VIPAS39: variants seen among roughly 807,000 people sequenced by gnomAD.
VIPAS39 encodes spermatogenesis-defective protein 39 homolog.
A neutral mutation model predicts 84.7 loss-of-function variants in VIPAS39; 63 were observed. The ratio of observed to expected loss-of-function variants is 0.74; its 90% CI spans 0.61 to 0.92. The LOEUF (loss-of-function observed/expected upper bound fraction) is 0.92. VIPAS39 is among the 40% of genes least tolerant of loss of function. The pLI is 0.00. For synonymous variants in VIPAS39, 192 were observed against 216.5 expected, an observed-to-expected ratio of 0.89 and a Z score of 0.99; for missense variants, 499 against 604.5, an observed-to-expected ratio of 0.83 and a Z score of 1.83.
intron 1 of VIPAS39, chr14:77,457,225 T>TA: frequency 6.6e-7 from 1 of 1,525,574 alleles, no homozygotes; most frequent in Non-Finnish European, 8.8e-7. Flanking sequence ...GCCATGGATC[T>TA]ACCGCAGTCG....
chr14:77,454,465 A>G (rs2078930333), intron 1 of VIPAS39, among the ~76,000 whole-genome samples: 1 of 152,188 alleles, frequency 6.6e-6, no homozygotes, highest in African/African-American at 2.4e-5. Flanking sequence ...ACCTGAGGTC[A>G]GGAGTTCGAG....
intron 3 of VIPAS39, 122 bp from the exon 4 acceptor site, chr14:77,451,455 G>A: frequency 1.4e-6 from 2 of 1,432,772 alleles, no homozygotes; most frequent in Non-Finnish European, 2.0e-6. Flanking sequence ...ACTTGGGGCA[G>A]GGAGAAAAGA....
chr14:77,439,915 C>T (rs1052811636), intron 11 of VIPAS39, among the ~76,000 whole-genome samples: 4 of 152,298 alleles, frequency 2.6e-5, no homozygotes, highest in East Asian at 1.9e-4. Flanking sequence ...ATCCTGCCAT[C>T]GACAGTGCTG....
chr14:77,456,995 G>T, intron 1 of VIPAS39: 1 of 1,036,982 alleles, frequency 9.6e-7, no homozygotes, highest in Non-Finnish European at 1.2e-6. Flanking sequence ...CAGGGTGAGA[G>T]ACCTCAGGGG....
At chr14:77,439,853 C>A (rs1225431001) in intron 11 of VIPAS39, among the ~76,000 whole-genome samples, 1 of 152,062 alleles carries the variant, frequency 6.6e-6, no homozygotes, top group Non-Finnish European at 1.5e-5. Flanking sequence ...AATGTGCCAA[C>A]TGAATGTCTG....
chr14:77,435,270 T>C lies in VIPAS39; in HGVS notation c.1036A>G (p.Thr346Ala), dbSNP rs746887391. 18 of 1,613,968 alleles carry C rather than the reference T, an allele frequency of 1.1e-5. No homozygotes were observed. Among genetic ancestry groups the C allele is most frequent in the Non-Finnish European group, 1.4e-5 (17 of 1,180,018 alleles). ...TATTTTGCCTGTACCTCAGCCTCTG[T>C]GTAGTGATAGAAGCAGGAGTAGAAA... is the stretch of plus-strand genomic sequence containing the variant. ...TLFYSCFYHY[T>A]EAEGTFSSPV... is the part of the protein sequence containing the mutation. Residue 346 changes from threonine (T) to alanine (A), a missense_variant, in exon 14 of 20, where the codon ACA becomes GCA. By Grantham distance (58) the Thr-to-Ala change is moderately conservative. Coordinates refer to ENST00000557658, the MANE Select transcript of VIPAS39 (RefSeq NM_001193315.2).
At chr14:77,457,395 T>C (rs1329306893) in intron 1 of VIPAS39, 100 bp downstream of exon 1, 6 of 1,535,432 alleles carry the variant, frequency 3.9e-6, no homozygotes, top group Admixed American at 3.9e-5. Context: ...CCTGTAGTCA[T>C]AGGGTGTAGG....
intron 1 of VIPAS39, among the ~76,000 whole-genome samples, chr14:77,456,544 T>G (rs80300028): frequency 0.03 from 4,587 of 152,174 alleles, 229 homozygotes; most frequent in African/African-American, 0.1. Context: ...CACAAAAGAG[T>G]TCAGTATCAA....
At chr14:77,428,293 G>T in intron 19 of VIPAS39, 77 bp downstream of exon 19, 1 of 1,332,856 alleles carries the variant, frequency 7.5e-7, no homozygotes. Context: ...TCCAGACCTT[G>T]GGAACATACA....
At chr14:77,449,041 A>G (rs374657488) in intron 6 of VIPAS39, among the ~76,000 whole-genome samples, 151 of 152,314 alleles carry the variant, frequency 9.9e-4, no homozygotes, top group African/African-American at 3.5e-3. Flanking sequence ...TACAGCCTTC[A>G]AGTGGGAGCA....
intron 7 of VIPAS39, among the ~76,000 whole-genome samples, chr14:77,446,049 A>G (rs531223041): frequency 6.9e-6 from 1 of 145,888 alleles, no homozygotes; most frequent in Non-Finnish European, 1.5e-5. Flanking sequence ...TGGCTTTAAC[A>G]GTGGTTTCTA....
At chr14:77,436,738 C>T (rs111916527) in intron 12 of VIPAS39, among the ~76,000 whole-genome samples, 6 of 152,242 alleles carry the variant, frequency 3.9e-5, no homozygotes, top group African/African-American at 7.2e-5. Flanking sequence ...CTGCTGCGCC[C>T]GGCCACATTA....
In VIPAS39 at chr14:77,443,177, G is replaced by A. The variant is rs112062894; in HGVS notation, c.598-25C>T. 2.5e-4 allele frequency: 403 copies of A among 1,614,098 alleles called. No individual in the cohort carries two copies. The African/African-American group carries it at 4.5e-3, about 18-fold the overall frequency. ...CCTACAGGAAAAAAGAACAAAGACT[G>A]TGCAAACTTTCCAACACAGAGTCAT... On this transcript the variant is annotated intron_variant, in intron 8 of 19. Transcript: ENST00000557658.
In VIPAS39 at chr14:77,451,249, A is replaced by T; in HGVS notation, c.281T>A (p.Phe94Tyr). ...CTTGGGTAGTTGTGCATAGGAGGAG[A>T]AGCTGTTTCGGCTCTTTAGCTGTTC... is the stretch of plus-strand genomic sequence containing the variant. ...GREQLKSRNS[F>Y]SSYAQLPKPT... Residue 94 changes from phenylalanine to tyrosine, a missense_variant, in exon 4 of 20, where the codon TTC (phenylalanine) becomes TAC (tyrosine). Phe to Tyr is a conservative substitution (Grantham distance 22). Coordinates refer to ENST00000557658, the MANE Select transcript of VIPAS39 (RefSeq NM_001193315.2). The T allele has an allele frequency of 6.2e-7, 1 of 1,614,210 alleles. No homozygotes were observed. Among genetic ancestry groups the T allele is most frequent in the Non-Finnish European group, 8.5e-7 (1 of 1,180,040 alleles).
In VIPAS39 at chr14:77,441,111, G is replaced by A. The variant is rs972944700; in HGVS notation, c.735-18C>T. ...CTAGGAACCTGGGAAGAAGCAGAAG[G>A]GAGCAGGGCATTTGTATCTATTGAT... On this transcript the variant is annotated intron_variant, in intron 10 of 19. Coordinates refer to ENST00000557658, the MANE Select transcript of VIPAS39 (RefSeq NM_001193315.2). 3 of 1,612,422 alleles carry A rather than the reference G, an allele frequency of 1.9e-6. No homozygotes were observed. Among genetic ancestry groups the A allele is most frequent in the South Asian group, 1.1e-5 (1 of 91,068 alleles).
In VIPAS39 at chr14:77,429,846, A is replaced by G. The variant is rs540310893; in HGVS notation, c.1180-79T>C. 2.3e-6 allele frequency: 3 copies of G among 1,285,218 alleles called. No individual in the cohort carries two copies. The Admixed American group carries it at 5.0e-5, about 22-fold the overall frequency. The allele number at this position is 1,285,218 out of a possible 1,614,324, so 79.6% of individuals were successfully genotyped here. A position where few individuals can be genotyped will look rare whatever the true frequency, so the allele number is the denominator to read the frequency against. On this transcript the variant is annotated intron_variant, in intron 16 of 19. Transcript: ENST00000557658. ...CTAGGTTAGTCTATGTTTTACGATC[A>G]GACCAGAATAATGTGGTGGGTGAGT... is the stretch of plus-strand genomic sequence containing the variant.
chr14:77,448,129 T>C (rs911501923), intron 7 of VIPAS39, among the ~76,000 whole-genome samples: 12 of 152,024 alleles, frequency 7.9e-5, no homozygotes, highest in African/African-American at 2.7e-4. Flanking sequence ...TAATTTTTTA[T>C]ATTTTTAGTA....
At chr14:77,431,530 G>C (rs1162052396) in intron 16 of VIPAS39, among the ~76,000 whole-genome samples, 7 of 152,066 alleles carry the variant, frequency 4.6e-5, no homozygotes, top group African/African-American at 1.7e-4. Flanking sequence ...TGATGTGTTA[G>C]CAAGGGTGTG....
chr14:77,450,302 C>T lies in VIPAS39; in HGVS notation c.344-550G>A, dbSNP rs543597977. On this transcript the variant is annotated intron_variant, in intron 4 of 19. Coordinates refer to ENST00000557658, the MANE Select transcript of VIPAS39 (RefSeq NM_001193315.2). ...CATATGGCAGCATGTATGGGAATGT[C>T]GTTCTTCTTTAATGCTGAGTAACAT... Among the ~76,000 whole-genome samples the T allele has an allele frequency of 3.9e-5, 6 of 152,292 alleles. No homozygotes were observed. The South Asian group carries it at 1.0e-3, about 26-fold the overall frequency.
Sources: gnomAD v4.1 joint callset for allele counts (sites outside exome capture counted in the v4.1 genomes callset) on GRCh38, gnomAD v4.1.1 for gene constraint, MANE v1.5 for transcripts, NCBI Gene and HGNC (gene_info 2026-07-23, HGNC 2026-07-21) for gene names.